Variants in ZNF112 observed in about 807,000 individuals in gnomAD.
ZNF112 encodes the protein zinc finger protein 112.
Under a neutral mutation model 77.7 loss-of-function variants are expected in ZNF112, and 37 were observed. The ratio of observed to expected loss-of-function variants is 0.48; its 90% CI spans 0.37 to 0.63. The LOEUF (loss-of-function observed/expected upper bound fraction) is 0.63. Ranked by LOEUF, ZNF112 falls within the 20% of genes least tolerant of loss-of-function variation. The probability of loss-of-function intolerance (pLI) is 0.00; values close to 1 mark genes in which losing one functional copy is unlikely to be tolerated. For synonymous variants in ZNF112, 333 were observed against 363.6 expected (o/e 0.92, Z 0.96); for missense variants, 950 against 1,077.4 (o/e 0.88, Z 1.66).
chr19:44,358,044 C>A (rs538140596), upstream of ZNF112, among the ~76,000 whole-genome samples: 16 of 151,182 alleles, frequency 1.1e-4, no homozygotes, highest in Non-Finnish European at 8.8e-5. Context: ...CCCAGCTACT[C>A]GGGAGGCTGA....
intron 1 of ZNF112, among the ~76,000 whole-genome samples, chr19:44,348,299 T>G (rs1444685599): frequency 6.6e-6 from 1 of 152,068 alleles, no homozygotes; most frequent in Non-Finnish European, 1.5e-5. Flanking sequence ...CCTCTCCTCC[T>G]GAGACTCCAA....
At chr19:44,342,757 G>A (rs1970513623) in intron 1 of ZNF112, among the ~76,000 whole-genome samples, 1 of 151,720 alleles carries the variant, frequency 6.6e-6, no homozygotes, top group Non-Finnish European at 1.5e-5. Context: ...GGAGGGTGCA[G>A]TGAGCCGAGA....
At chr19:44,338,253 A>T (rs1307246661) in intron 2 of ZNF112, among the ~76,000 whole-genome samples, 1 of 152,164 alleles carries the variant, frequency 6.6e-6, no homozygotes, top group African/African-American at 2.4e-5. Flanking sequence ...TGTTGACTGC[A>T]AGTTTATGCC....
chr19:44,331,544 T>A (rs1160376659), intron 3 of ZNF112, among the ~76,000 whole-genome samples: 1 of 152,168 alleles, frequency 6.6e-6, no homozygotes. Context: ...GTAGATTAAG[T>A]CTCTATAATA....
chr19:44,362,080 C>G (rs118117081), intron 1 of ZNF112, among the ~76,000 whole-genome samples: 1 of 152,066 alleles, frequency 6.6e-6, no homozygotes, highest in African/African-American at 2.4e-5. Flanking sequence ...TATGAACATA[C>G]TGATCAGGTG....
upstream of ZNF112, among the ~76,000 whole-genome samples, chr19:44,357,555 G>A (rs924645418): frequency 6.6e-6 from 1 of 151,232 alleles, no homozygotes; most frequent in Admixed American, 6.6e-5. Context: ...CCACAAGAAC[G>A]TGGATGCCAA....
At position 44,329,371 on chromosome 19, in the gene ZNF112, A is replaced by C; in HGVS notation, c.786T>G (p.Ser262Arg). Reference sequence around the variant, plus strand: ...GATGAACCTCAGAGCTGGAGTCATTACTGAAGGCTTTTCTATACCCAGTAC... The same window carrying C: ...GATGAACCTCAGAGCTGGAGTCATTCCTGAAGGCTTTTCTATACCCAGTAC... ...YPCTGYRKAFSNDSSSEVHQQ... is the reference protein window; with the variant it reads ...YPCTGYRKAFRNDSSSEVHQQ... Residue 262 changes from serine (S) to arginine (R), a missense_variant, in exon 4 of 4, where the codon AGT becomes AGG. By Grantham distance (110) the Ser-to-Arg change is moderately radical. Transcript: ENST00000354340. 1 of 1,613,816 alleles carries C rather than the reference A, an allele frequency of 6.2e-7. No individual in the cohort carries two copies. Among genetic ancestry groups the C allele is most frequent in the Non-Finnish European group, 8.5e-7 (1 of 1,179,792 alleles).
chr19:44,336,418 A>C (rs913387674), intron 3 of ZNF112, among the ~76,000 whole-genome samples: 2 of 152,202 alleles, frequency 1.3e-5, no homozygotes, highest in African/African-American at 4.8e-5. Flanking sequence ...ATGAGCAAAA[A>C]CAAACAATGG....
upstream of ZNF112, among the ~76,000 whole-genome samples, chr19:44,361,056 C>T (rs530813480): frequency 2.2e-4 from 33 of 152,260 alleles, no homozygotes; most frequent in African/African-American, 7.2e-4. Context: ...CATGATGACT[C>T]CCATAAATAT....
In ZNF112 at chr19:44,366,471, G is replaced by A. The variant is rs368573842; in HGVS notation, c.17+610C>T. Among the ~76,000 whole-genome samples the A allele has an allele frequency of 7.2e-5, 11 of 152,124 alleles. No individual in the cohort carries two copies. In the South Asian group the frequency reaches 2.3e-3, roughly 32 times the overall value. On this transcript the variant is annotated intron_variant, in intron 1 of 4. Transcript: ENST00000588057. ...TCTGCCCTGAGAAGAGAGATGACAC[G>A]GCAAGAAGAAGGATGCTAAGTCACA...
Position 44,328,582 on chromosome 19 carries a change from G to C in ZNF112, c.1575C>G (p.Gly525=). The C allele has an allele frequency of 6.2e-7, 1 of 1,613,690 alleles. No individual in the cohort carries two copies. The highest frequency in any genetic ancestry group is 8.5e-7 in the Non-Finnish European group (1 of 1,179,910). The change falls in exon 4 of 4, where the codon GGC becomes GGG. Residue 525 remains glycine, a synonymous_variant. Transcript: ENST00000354340. ...GQKPYKCNIC[G]KGFNHRSVLN... ...GAACTGATCTATGATTGAAACCTTT[G>C]CCGCATATATTGCATTTGTATGGCT...
Position 44,327,521 on chromosome 19 carries a change from C to G in ZNF112, c.2636G>C (p.Ser879Thr), listed in dbSNP as rs1970148647. The change falls in exon 4 of 4, where the codon AGT becomes ACT. Residue 879 changes from serine (S) to threonine (T), a missense_variant. Ser to Thr is a moderately conservative substitution (Grantham distance 58). Around this residue, in one of 3 missense-constraint regions of ZNF112, gnomAD observed 373 missense variants for 482.8 expected, o/e 0.77. Coordinates refer to ENST00000354340, the MANE Select transcript of ZNF112 (RefSeq NM_013380.4). ...GTCTTCGCTTTTATAGAATTTATCA[C>G]TACTATGGACTCTTTGATGAATGAG... is the stretch of plus-strand genomic sequence containing the variant. ...GLLIHQRVHS[S>T]DKFYKSEDYG... 2 of 1,613,954 alleles carry G rather than the reference C, an allele frequency of 1.2e-6. No homozygotes were observed. The highest frequency in any genetic ancestry group is 1.3e-5 in the African/African-American group (1 of 75,018).
chr19:44,364,567 T>A (rs1970884584), intron 1 of ZNF112, among the ~76,000 whole-genome samples: 1 of 152,102 alleles, frequency 6.6e-6, no homozygotes, highest in Non-Finnish European at 1.5e-5. Flanking sequence ...GTCATCTAGA[T>A]CTTCAAGCCA....
At chr19:44,361,697 C>T (rs1481382213) in intron 1 of ZNF112, among the ~76,000 whole-genome samples, 3 of 152,184 alleles carry the variant, frequency 2.0e-5, no homozygotes, top group Non-Finnish European at 2.9e-5. Context: ...CTGTGTGATA[C>T]AGTATGGTTG....
chr19:44,341,129 A>C (rs1970482043), intron 1 of ZNF112: 1 of 456,550 alleles, frequency 2.2e-6, no homozygotes, highest in Admixed American at 2.4e-5. Flanking sequence ...CCTAGTAATA[A>C]AATGAGTGAC....
intron 1 of ZNF112, among the ~76,000 whole-genome samples, chr19:44,365,980 C>T (rs1191888513): frequency 6.6e-6 from 1 of 152,126 alleles, no homozygotes; most frequent in African/African-American, 2.4e-5. Flanking sequence ...TGACCAGAGC[C>T]TTCATTACAA....
chr19:44,333,773 C>T (rs186250661), intron 3 of ZNF112, among the ~76,000 whole-genome samples: 4 of 152,296 alleles, frequency 2.6e-5, no homozygotes, highest in Admixed American at 2.0e-4. Context: ...AATTAAACCT[C>T]TTTTCTTTAT....
Position 44,329,323 on chromosome 19 carries a change from C to T in ZNF112, c.834G>A (p.Lys278=), listed in dbSNP as rs141776306. 1,174 of 1,613,768 alleles carry T rather than the reference C, an allele frequency of 7.3e-4. 6 individuals are homozygous for T. The highest frequency in any genetic ancestry group is 3.0e-3 in the South Asian group (273 of 91,056). ...TTCCACATGAACTGTATGTATAGGG[C>T]TTCCCTTCCAAGTGGAACTGCTGAT... ...EVHQQFHLEG[K]PYTYSSCGKG... Residue 278 remains lysine (K), a synonymous_variant, in exon 4 of 4, where the codon AAG becomes AAA. Coordinates refer to ENST00000354340, the MANE Select transcript of ZNF112 (RefSeq NM_013380.4).
Position 44,327,775 on chromosome 19 carries a change from C to T in ZNF112, c.2382G>A (p.Val794=), listed in dbSNP as rs1239149374. The T allele has an allele frequency of 6.2e-7, 1 of 1,613,856 alleles. No homozygotes were observed. The highest frequency in any genetic ancestry group is 2.2e-5 in the East Asian group (1 of 44,836). The part of the protein sequence containing the change: ...SRLQAHQRVH[V]EGRPYKCEQC... ...GTTCACATTTATAGGGTCTCCCTTC[C>T]ACATGAACCCTTTGGTGTGCTTGAA... Residue 794 remains valine (V), a synonymous_variant, in exon 4 of 4, where the codon GTG becomes GTA. Coordinates refer to ENST00000354340, the MANE Select transcript of ZNF112 (RefSeq NM_013380.4).
Sources: allele counts gnomAD v4.1 joint callset (sites outside exome capture counted in the v4.1 genomes callset), GRCh38; gene constraint gnomAD v4.1.1; regional missense constraint gnomAD v4.1.1; transcripts MANE v1.5; gene names NCBI Gene and HGNC (gene_info 2026-07-23, HGNC 2026-07-21).